CLASP2: variants seen among roughly 807,000 people sequenced by gnomAD.
The protein encoded by CLASP2 is cytoplasmic linker associated protein 2.
CLASP2 carries 47 observed loss-of-function variants against 194.4 expected under a neutral mutation model. That is an observed-to-expected ratio of 0.24 (90% CI 0.19 to 0.31). The LOEUF (loss-of-function observed/expected upper bound fraction) is 0.31. Ranked by LOEUF, CLASP2 falls within the 10% of genes least tolerant of loss-of-function variation. CLASP2 has a pLI of 1.00. For missense variants in CLASP2, 1,445 were observed against 1,823.6 expected, an observed-to-expected ratio of 0.79 and a Z score of 3.78; for synonymous variants, 619 against 633.5, an observed-to-expected ratio of 0.98 and a Z score of 0.34.
intron 7 of CLASP2, among the ~76,000 whole-genome samples, chr3:33,662,054 T>C (rs2085388512): frequency 6.6e-6 from 1 of 152,046 alleles, no homozygotes; most frequent in South Asian, 2.1e-4. Context: ...TGAAGTCTTC[T>C]TCAAAAAAAA....
In CLASP2 at chr3:33,555,667, C is replaced by T. The variant is rs190996220; in HGVS notation, c.3009+3640G>A. Among the ~76,000 whole-genome samples, 83 of 152,240 alleles carry T rather than the reference C, an allele frequency of 5.5e-4. 2 individuals are homozygous for T. In the East Asian group the frequency reaches 0.011, roughly 21 times the overall value. The stretch of plus-strand genomic sequence containing the variant: ...ACAGGCATAAGCCACCATTCCCTGG[C>T]CAATATTCTGAATTCCTAAAGCAAT... On this transcript the variant is annotated intron_variant, in intron 29 of 38. Coordinates refer to ENST00000682230, the MANE Select transcript of CLASP2 (RefSeq NM_001365631.1).
Position 33,644,974 on chromosome 3 carries a change from T to C in CLASP2, c.716-71A>G, listed in dbSNP as rs958148559. 5.5e-6 allele frequency: 8 copies of C among 1,450,982 alleles called. No homozygotes were observed. The African/African-American group carries it at 8.5e-5, about 16-fold the overall frequency. 89.9% of individuals were successfully genotyped at this position (1,450,982 alleles called of 1,614,324 possible). A position where few individuals can be genotyped will look rare whatever the true frequency, so the allele number is the denominator to read the frequency against. On this transcript the variant is annotated intron_variant, in intron 7 of 38. Coordinates refer to ENST00000682230, the MANE Select transcript of CLASP2 (RefSeq NM_001365631.1). Reference sequence around the variant, plus strand: ...TTCCATTTTCCCTAAAGCTCAAAAATAAAATAAAGCCATATATAAAATCAT... The same window carrying C: ...TTCCATTTTCCCTAAAGCTCAAAAACAAAATAAAGCCATATATAAAATCAT...
chr3:33,606,579 A>T lies in CLASP2; in HGVS notation c.1694+12T>A, dbSNP rs762876353. 8 of 1,606,836 alleles carry T rather than the reference A, an allele frequency of 5.0e-6. No homozygotes were observed. The highest frequency in any genetic ancestry group is 6.8e-6 in the Non-Finnish European group (8 of 1,175,250). On this transcript the variant is annotated intron_variant, in intron 16 of 38. Transcript: ENST00000682230. ...AGGAAGAGACTAGTAATCATTATTT[A>T]TATGACCTTACTTGAGACTTTCCTG...
intron 23 of CLASP2, among the ~76,000 whole-genome samples, chr3:33,581,052 AAAG>A (rs1201615978): frequency 6.6e-6 from 1 of 151,586 alleles, no homozygotes; most frequent in Non-Finnish European, 1.5e-5. Flanking sequence ...AAAAAAAGAA[AAAG>A]AAGAAAAAAA....
chr3:33,603,081 G>A lies in CLASP2; in HGVS notation c.1795C>T (p.Gln599Ter). 1.3e-6 allele frequency: 2 copies of A among 1,592,546 alleles called. No homozygotes were observed. Among genetic ancestry groups the A allele is most frequent in the Admixed American group, 1.8e-5 (1 of 56,932 alleles). Residue 599 changes from glutamine to a stop codon, truncating the protein, a stop_gained, in exon 18 of 39, where the codon CAG (glutamine) becomes TAG (stop). Transcript: ENST00000682230. LOFTEE classifies it high-confidence loss of function. ...ACATCAATGTCACTTCGTGAACGCT[G>A]CAGGCTTCCTGGAAGGGAACTGGCT... ...SKASSLPGSLQRSRSDIDVNA... is the reference protein window; with the variant it reads ...SKASSLPGSL
At chr3:33,620,997 TTGTGTGTGTGTGTGTGTGTGTGTG>T (rs60682503) in intron 11 of CLASP2, among the ~76,000 whole-genome samples, 3 of 142,666 alleles carry the variant, frequency 2.1e-5, no homozygotes, top group South Asian at 2.3e-4. Flanking sequence ...CTGTAGCTCT[TTGTGTGTGTGTGTGTGTGTGTGTG>T]TGTGTGTGTG....
chr3:33,690,458 T>G (rs1433807375), intron 2 of CLASP2, among the ~76,000 whole-genome samples: 2 of 152,010 alleles, frequency 1.3e-5, no homozygotes, highest in Admixed American at 1.3e-4. Flanking sequence ...ACTCAAAGAG[T>G]AAAGGGCACA....
chr3:33,668,388 G>C (rs555841213), intron 6 of CLASP2, among the ~76,000 whole-genome samples: 11 of 152,264 alleles, frequency 7.2e-5, no homozygotes, highest in Non-Finnish European at 1.3e-4. Flanking sequence ...AAACCATAAA[G>C]GGAGCAGTAT....
chr3:33,504,680 G>A (rs984280279), intron 37 of CLASP2: 6 of 152,286 alleles, frequency 3.9e-5, no homozygotes, highest in African/African-American at 1.4e-4. Flanking sequence ...GGGGAAGGGT[G>A]ATGGGGGGAT....
intron 6 of CLASP2, among the ~76,000 whole-genome samples, chr3:33,670,587 A>T (rs1346549006): frequency 6.6e-6 from 1 of 152,216 alleles, no homozygotes; most frequent in African/African-American, 2.4e-5. Flanking sequence ...TCACATGGCA[A>T]ACCGCCGCAC....
At chr3:33,613,345 C>A (rs2075541060) in intron 12 of CLASP2, among the ~76,000 whole-genome samples, 1 of 152,134 alleles carries the variant, frequency 6.6e-6, no homozygotes, top group Non-Finnish European at 1.5e-5. Flanking sequence ...GATGGCCAAA[C>A]CTTTATACTT....
intron 36 of CLASP2, among the ~76,000 whole-genome samples, chr3:33,515,661 A>AC (rs1237997888): frequency 1.3e-5 from 2 of 151,618 alleles, no homozygotes; most frequent in East Asian, 3.9e-4. Flanking sequence ...CAAACAAACA[A>AC]CCCCCCCAAA....
In CLASP2 at chr3:33,712,644, A is replaced by G. The variant is rs188865131; in HGVS notation, c.195+5164T>C. Among the ~76,000 whole-genome samples, 10 of 152,316 alleles carry G rather than the reference A, an allele frequency of 6.6e-5. No homozygotes were observed. The East Asian group carries it at 1.9e-3, about 29-fold the overall frequency. On this transcript the variant is annotated intron_variant, in intron 1 of 38. Transcript: ENST00000682230. The stretch of plus-strand genomic sequence containing the variant: ...TCCGAATTTAGAGTTCCGGAATATC[A>G]TAATCACCAACAGTAATGCCACTGG...
chr3:33,585,111 A>G (rs1215572236), intron 21 of CLASP2, among the ~76,000 whole-genome samples, 191 bp from the exon 22 acceptor site: 1 of 152,220 alleles, frequency 6.6e-6, no homozygotes. Flanking sequence ...TATACTACAT[A>G]TATGAGCACT....
At chr3:33,636,432 A>G (rs1310501183) in intron 8 of CLASP2, among the ~76,000 whole-genome samples, 2 of 152,164 alleles carry the variant, frequency 1.3e-5, no homozygotes. Flanking sequence ...CTAAAATTAA[A>G]AAAAACACCT....
At chr3:33,509,328 T>G (rs562443540) in intron 37 of CLASP2, among the ~76,000 whole-genome samples, 3 of 152,230 alleles carry the variant, frequency 2.0e-5, no homozygotes, top group Admixed American at 6.5e-5. Flanking sequence ...GCAATTCTCC[T>G]GCCTCAGCCT....
In CLASP2 at chr3:33,574,759, T is replaced by G. The variant is rs796304938; in HGVS notation, c.2455-1405A>C. Among the ~76,000 whole-genome samples the G allele has an allele frequency of 5.3e-5, 8 of 152,288 alleles. 1 individual carries two copies. The highest frequency in any genetic ancestry group is 1.9e-4 in the African/African-American group (8 of 41,582). On this transcript the variant is annotated intron_variant, in intron 24 of 38. Coordinates refer to ENST00000682230, the MANE Select transcript of CLASP2 (RefSeq NM_001365631.1). ...AACCTAAATGTTCTTCCTATTTGGATCCTTTTGTCATTTCCAAAGTTAAGT... is the reference window on the plus strand; with the variant it reads ...AACCTAAATGTTCTTCCTATTTGGAGCCTTTTGTCATTTCCAAAGTTAAGT...
intron 16 of CLASP2, among the ~76,000 whole-genome samples, chr3:33,606,367 T>A (rs1577099700): frequency 6.6e-6 from 1 of 152,278 alleles, no homozygotes; most frequent in Admixed American, 6.5e-5. Flanking sequence ...GTGAACATAT[T>A]GAAGCAAAAT....
At chr3:33,615,686 C>CTA (rs1290027035) in intron 12 of CLASP2, among the ~76,000 whole-genome samples, 2 of 151,780 alleles carry the variant, frequency 1.3e-5, no homozygotes, top group Non-Finnish European at 2.9e-5. Flanking sequence ...AACCAACTAC[C>CTA]TATATAAAGT....
Sources: allele counts gnomAD v4.1 joint callset (sites outside exome capture counted in the v4.1 genomes callset), GRCh38; gene constraint gnomAD v4.1.1; transcripts MANE v1.5; gene names NCBI Gene and HGNC (gene_info 2026-07-23, HGNC 2026-07-21).